Variants in RARB observed in about 807,000 individuals in gnomAD.
The protein encoded by RARB is HBV-activated protein.
In RARB, 17 loss-of-function variants were observed where a neutral mutation model predicts 51.9. The ratio of observed to expected loss-of-function variants is 0.33; its 90% CI spans 0.22 to 0.49. The LOEUF is 0.49. RARB is among the 20% of genes least tolerant of loss of function. The pLI, the probability that RARB is intolerant of heterozygous loss-of-function variation, is 0.99. For synonymous variants in RARB, 215 were observed against 195.4 expected, an observed-to-expected ratio of 1.10 and a Z score of -0.84; for missense variants, 369 against 550.8, an observed-to-expected ratio of 0.67 and a Z score of 3.30.
intron 2 of RARB, among the ~76,000 whole-genome samples, chr3:24,877,013 A>G (rs1346970072): frequency 6.6e-6 from 1 of 152,314 alleles, no homozygotes; most frequent in Admixed American, 6.5e-5. Context: ...CTAATAGTAC[A>G]AATTGAAATG....
intron 2 of RARB, among the ~76,000 whole-genome samples, chr3:24,998,413 T>A (rs1697088099): frequency 6.6e-6 from 1 of 152,126 alleles, no homozygotes; most frequent in Non-Finnish European, 1.5e-5. Context: ...GGCACAGATG[T>A]GGTGTTTGGA....
At chr3:25,069,951 G>C (rs934748695) in intron 3 of RARB, among the ~76,000 whole-genome samples, 3 of 152,154 alleles carry the variant, frequency 2.0e-5, no homozygotes, top group African/African-American at 4.8e-5. Context: ...CCACAAGCTG[G>C]GTGGCTTAAA....
chr3:24,925,380 A>T (rs1284047095), intron 2 of RARB, among the ~76,000 whole-genome samples: 1 of 152,002 alleles, frequency 6.6e-6, no homozygotes, highest in East Asian at 1.9e-4. Context: ...TGGTGGCTCA[A>T]GCCTGTAATC....
At chr3:25,109,366 A>G (rs904040303) in intron 3 of RARB, among the ~76,000 whole-genome samples, 2 of 152,142 alleles carry the variant, frequency 1.3e-5, no homozygotes, top group Non-Finnish European at 2.9e-5. Flanking sequence ...CATGGCCCAC[A>G]GCATCTTTGG....
chr3:24,973,000 T>TTTTGC (rs1696434502), intron 2 of RARB, among the ~76,000 whole-genome samples: 1 of 152,068 alleles, frequency 6.6e-6, no homozygotes, highest in African/African-American at 2.4e-5. Flanking sequence ...TTTGTCCATT[T>TTTTGC]TTTGCTTTTG....
intron 5 of RARB, among the ~76,000 whole-genome samples, chr3:25,245,415 TTGGTTTA>T (rs1211625244): frequency 3.3e-5 from 5 of 152,198 alleles, no homozygotes; most frequent in Non-Finnish European, 7.3e-5. Flanking sequence ...CCTTTACATT[TTGGTTTA>T]TTTTTGCAGT....
chr3:25,257,181 G>A (rs1702886988), intron 5 of RARB, among the ~76,000 whole-genome samples: 1 of 152,098 alleles, frequency 6.6e-6, no homozygotes, highest in South Asian at 2.1e-4. Flanking sequence ...TGGTATGTCT[G>A]CTTGGTGACT....
intron 2 of RARB, among the ~76,000 whole-genome samples, chr3:24,924,146 T>C (rs1043156315): frequency 2.0e-5 from 3 of 152,120 alleles, no homozygotes; most frequent in Non-Finnish European, 4.4e-5. Flanking sequence ...CTCTCTATTT[T>C]TGTAGGAGTT....
At chr3:25,004,230 A>G (rs954040137) in intron 2 of RARB, among the ~76,000 whole-genome samples, 5 of 152,058 alleles carry the variant, frequency 3.3e-5, no homozygotes, top group African/African-American at 9.7e-5. Flanking sequence ...CTTGGCTTCA[A>G]CCTGATAGCA....
At chr3:25,205,491 A>T (rs1239773711) in intron 5 of RARB, among the ~76,000 whole-genome samples, 1 of 152,146 alleles carries the variant, frequency 6.6e-6, no homozygotes, top group Non-Finnish European at 1.5e-5. Context: ...TTGGAAATGC[A>T]GAAATAATTT....
intron 5 of RARB, among the ~76,000 whole-genome samples, chr3:25,195,439 G>C (rs1701210446): frequency 6.6e-6 from 1 of 152,002 alleles, no homozygotes; most frequent in East Asian, 1.9e-4. Context: ...TATTTCTTAA[G>C]ACGATTCAGA....
At chr3:25,262,075 A>G (rs1348346538) in intron 5 of RARB, among the ~76,000 whole-genome samples, 1 of 152,146 alleles carries the variant, frequency 6.6e-6, no homozygotes, top group Non-Finnish European at 1.5e-5. Flanking sequence ...AAGGCCAAAG[A>G]CCAGACTCCC....
At chr3:25,433,475 G>A (rs1025640750) in intron 1 of RARB, among the ~76,000 whole-genome samples, 11 of 152,188 alleles carry the variant, frequency 7.2e-5, no homozygotes, top group Non-Finnish European at 1.6e-4. Context: ...AAAATGGACT[G>A]GGCTGTGATT....
chr3:25,196,373 A>G (rs549036109), intron 5 of RARB, among the ~76,000 whole-genome samples: 2 of 152,246 alleles, frequency 1.3e-5, no homozygotes, highest in Admixed American at 1.3e-4. Context: ...TTCCAGCTTC[A>G]TCCATGTCCC....
At chr3:24,954,143 AT>A (rs770879102) in intron 2 of RARB, among the ~76,000 whole-genome samples, 1 of 152,046 alleles carries the variant, frequency 6.6e-6, no homozygotes. Flanking sequence ...ACCTCTGGGA[AT>A]TATAGAAATT....
chr3:25,389,879 T>C (rs1019065106), intron 5 of RARB, among the ~76,000 whole-genome samples: 1 of 152,222 alleles, frequency 6.6e-6, no homozygotes, highest in Admixed American at 6.5e-5. Flanking sequence ...AGGGTAATAA[T>C]ATTTGAGTCT....
intron 2 of RARB, among the ~76,000 whole-genome samples, chr3:25,043,780 C>G (rs1698159397): frequency 6.6e-6 from 1 of 152,024 alleles, no homozygotes; most frequent in Non-Finnish European, 1.5e-5. Flanking sequence ...ACCGATAGTT[C>G]AGAAAAGGAT....
At chr3:24,954,676 G>A (rs1275427105) in intron 2 of RARB, among the ~76,000 whole-genome samples, 1 of 152,078 alleles carries the variant, frequency 6.6e-6, no homozygotes, top group African/African-American at 2.4e-5. Context: ...AGAAGGGGGT[G>A]GAGTCATTAT....
At chr3:25,478,394 A>C (rs186190084) in intron 2 of RARB, among the ~76,000 whole-genome samples, 1 of 152,238 alleles carries the variant, frequency 6.6e-6, no homozygotes, top group Non-Finnish European at 1.5e-5. Context: ...CAGATGAAGC[A>C]GGTGGCTTGT....
Sources: allele counts gnomAD v4.1 joint callset (sites outside exome capture counted in the v4.1 genomes callset), GRCh38; gene constraint gnomAD v4.1.1; transcripts MANE v1.5; gene names NCBI Gene and HGNC (gene_info 2026-07-23, HGNC 2026-07-21).